The following EP400 variants were observed in gnomAD, a reference collection of about 807,000 sequenced individuals.
The protein encoded by EP400 is E1A binding protein p400.
EP400 carries 105 observed loss-of-function variants against 354.1 expected under a neutral mutation model. The ratio of observed to expected loss-of-function variants is 0.30; its 90% CI spans 0.25 to 0.35. EP400 has a LOEUF of 0.35. Among genes scored for constraint, EP400 ranks in the 10% least tolerant of loss-of-function variants. The pLI is 1.00. For synonymous variants in EP400, 1,646 were observed against 1,716.9 expected (o/e 0.96, Z 1.02); for missense variants, 3,280 against 4,121.0 (o/e 0.80, Z 5.59).
At chr12:132,049,742 G>C (rs553192988) in intron 39 of EP400, among the ~76,000 whole-genome samples, 30 of 152,314 alleles carry the variant, frequency 2.0e-4, no homozygotes, top group African/African-American at 7.2e-4. Context: ...ATAAGGAGTT[G>C]CTTTAAAATT....
chr12:132,007,451 C>T (rs1375979463), intron 15 of EP400, among the ~76,000 whole-genome samples: 2 of 151,522 alleles, frequency 1.3e-5, no homozygotes, highest in East Asian at 3.8e-4. Flanking sequence ...CCTGACACTT[C>T]TAGCTGGTAC....
intron 22 of EP400, among the ~76,000 whole-genome samples, chr12:132,020,520 G>A (rs1359977332): frequency 6.6e-6 from 1 of 152,218 alleles, no homozygotes; most frequent in Non-Finnish European, 1.5e-5. Flanking sequence ...CAGTCGTCTA[G>A]GAGACTCCTG....
chr12:132,052,520 C>T lies in EP400; in HGVS notation c.7395-626C>T, dbSNP rs139830070. The stretch of plus-strand genomic sequence containing the variant: ...AGCGCACTGTTGAGAATTGCAGCCC[C>T]GCCCTGCTGTTTTCCTCCATAGCAG... On this transcript the variant is annotated intron_variant, in intron 41 of 52. Coordinates refer to ENST00000389561, the MANE Select transcript of EP400 (RefSeq NM_015409.5). The surrounding 1 kb of genome is among the most constrained non-coding windows in gnomAD (Gnocchi z 4.4). Among the ~76,000 whole-genome samples, 327 of 152,374 alleles carry T rather than the reference C, an allele frequency of 2.1e-3. 1 individual carries two copies. Among genetic ancestry groups the T allele is most frequent in the African/African-American group, 7.5e-3 (310 of 41,590 alleles).
chr12:132,006,765 C>G lies in EP400; in HGVS notation c.3192C>G (p.Asp1064Glu). ...GAGATTATCAGAAGATTGGCCTGGA[C>G]TGGCTGGCCAAACTTTACAGGAAGA... is the stretch of plus-strand genomic sequence containing the variant. ...ALRDYQKIGL[D>E]WLAKLYRKNL... is the part of the protein sequence containing the mutation. Residue 1064 changes from aspartate (D) to glutamate (E), a missense_variant, in exon 15 of 53, where the codon GAC becomes GAG. Asp to Glu is a conservative substitution (Grantham distance 45). Coordinates refer to ENST00000389561, the MANE Select transcript of EP400 (RefSeq NM_015409.5). The G allele has an allele frequency of 6.2e-7, 1 of 1,614,090 alleles. No individual in the cohort carries two copies. The highest frequency in any genetic ancestry group is 1.1e-5 in the South Asian group (1 of 91,048).
intron 12 of EP400, among the ~76,000 whole-genome samples, chr12:131,999,581 G>C (rs978527009): frequency 6.6e-6 from 1 of 152,048 alleles, no homozygotes; most frequent in Non-Finnish European, 1.5e-5. Context: ...TGGGATTATA[G>C]GCACCAGCCA....
chr12:132,040,639 C>T (rs1219262997), intron 32 of EP400, among the ~76,000 whole-genome samples: 1 of 152,138 alleles, frequency 6.6e-6, no homozygotes, highest in Non-Finnish European at 1.5e-5. Flanking sequence ...TTTCATGAAG[C>T]TTTTATTCTA....
chr12:132,077,299 A>G lies in EP400; in HGVS notation c.9100-102A>G, dbSNP rs1393371924. On this transcript the variant is annotated intron_variant, in intron 52 of 52. Coordinates refer to ENST00000389561, the MANE Select transcript of EP400 (RefSeq NM_015409.5). The stretch of plus-strand genomic sequence containing the variant: ...TCTTCCGTGTCATAAAAGCATAGTC[A>G]GTGAAGTTTCTCGAGTCCTCCCCAT... The G allele has an allele frequency of 3.1e-5, 43 of 1,404,980 alleles. 1 individual carries two copies. In the East Asian group the frequency reaches 9.7e-4, roughly 32 times the overall value. 87.0% of individuals were successfully genotyped at this position (1,404,980 alleles called of 1,614,324 possible).
intron 52 of EP400, 109 bp downstream of exon 52, chr12:132,076,702 C>T: frequency 1.0e-6 from 1 of 982,006 alleles, no homozygotes; most frequent in South Asian, 1.7e-5. Flanking sequence ...GTGATACACA[C>T]AAAAACATTA....
At position 132,044,892 on chromosome 12, in the gene EP400, G is replaced by A; in HGVS notation, c.6723G>A (p.Glu2241=). 6.2e-7 allele frequency: 1 copy of A among 1,614,198 alleles called. No homozygotes were observed. Among genetic ancestry groups the A allele is most frequent in the Non-Finnish European group, 8.5e-7 (1 of 1,180,026 alleles). Residue 2241 remains glutamate, a synonymous_variant, in exon 37 of 53, where the codon GAG becomes GAA. Transcript: ENST00000389561. ...CLMYEATPIP[E]AKLPPVYVRK... is the part of the protein sequence containing the mutation. ...TGTATGAAGCCACTCCCATCCCAGA[G>A]GCTAAGCTGCCCCCTGTGTACGTGA...
At position 132,038,931 on chromosome 12, in the gene EP400, G is replaced by A. The variant is rs1042133679; in HGVS notation, c.6207+835G>A. On this transcript the variant is annotated intron_variant, in intron 32 of 52. Transcript: ENST00000389561. The surrounding 1 kb of genome is among the most constrained non-coding windows in gnomAD (Gnocchi z 4.2). ...TACCTTGGAAGGATTTGGTATCCCT[G>A]TACATCTTTCTTCCTGCCCTGTTTG... Among the ~76,000 whole-genome samples, 1 of 152,172 alleles carries A rather than the reference G, an allele frequency of 6.6e-6. No homozygotes were observed. Among genetic ancestry groups the A allele is most frequent in the African/African-American group, 2.4e-5 (1 of 41,442 alleles).
chr12:131,960,015 C>T (rs150953993), intron 1 of EP400, among the ~76,000 whole-genome samples: 11 of 152,296 alleles, frequency 7.2e-5, no homozygotes, highest in Admixed American at 2.0e-4. Flanking sequence ...TTGCTTCTGG[C>T]GAGGTGGTGC....
chr12:132,023,091 G>A (rs1363507113), intron 23 of EP400, among the ~76,000 whole-genome samples: 1 of 149,688 alleles, frequency 6.7e-6, no homozygotes, highest in Non-Finnish European at 1.5e-5. Flanking sequence ...TAAAGTTTAG[G>A]TTCATATGTG....
intron 5 of EP400, among the ~76,000 whole-genome samples, chr12:131,983,153 A>G (rs965668353): frequency 6.6e-6 from 1 of 152,202 alleles, no homozygotes; most frequent in East Asian, 1.9e-4. Context: ...GGAGACACAT[A>G]CTCAGAGGTT....
intron 6 of EP400, 28 bp from the exon 7 acceptor site, chr12:131,987,677 C>T: frequency 1.3e-6 from 2 of 1,535,132 alleles, no homozygotes; most frequent in Admixed American, 1.9e-5. Flanking sequence ...ACATGCCGAC[C>T]CCACCATCCC....
Position 132,027,918 on chromosome 12 carries a change from T to C in EP400, c.5110-99T>C. The C allele has an allele frequency of 7.8e-7, 1 of 1,288,634 alleles. No homozygotes were observed. The highest frequency in any genetic ancestry group is 1.1e-6 in the Non-Finnish European group (1 of 922,488). The allele number at this position is 1,288,634 out of a possible 1,614,324, so 79.8% of individuals were successfully genotyped here. ...AAGACCGGGGATATTGAAGTGGATC[T>C]CATATGTGGGAAATCACGGGCTGGG... On this transcript the variant is annotated intron_variant, in intron 26 of 52. Coordinates refer to ENST00000389561, the MANE Select transcript of EP400 (RefSeq NM_015409.5). The surrounding 1 kb of genome is among the most constrained non-coding windows in gnomAD (Gnocchi z 4.9).
At position 132,045,425 on chromosome 12, in the gene EP400, G is replaced by A. The variant is rs1239409214; in HGVS notation, c.6891G>A (p.Lys2297=). The A allele has an allele frequency of 1.2e-6, 2 of 1,614,154 alleles. No homozygotes were observed. The highest frequency in any genetic ancestry group is 1.1e-5 in the South Asian group (1 of 91,086). The change falls in exon 38 of 53, where the codon AAG becomes AAA. Residue 2297 remains lysine (K), a synonymous_variant. Transcript: ENST00000389561. The part of the protein sequence containing the change: ...PGLLKIRREG[K]EQKKNILLKQ... ...TTCTGAAAATTCGCAGAGAGGGCAA[G>A]GAGCAGAAGAAGAATATTCTGCTGA...
intron 2 of EP400, among the ~76,000 whole-genome samples, chr12:131,979,471 T>C (rs1267226986): frequency 1.3e-5 from 2 of 152,240 alleles, no homozygotes; most frequent in Admixed American, 1.3e-4. Context: ...CAGAATAATA[T>C]GTCTTTTACA....
rs1555223305 is a variant in EP400, at chr12:132,062,545, A to AGCAG, written c.8178_8179insGCAG (p.Gln2727AlafsTer257). On this transcript the variant is annotated frameshift_variant, in exon 47 of 53. Coordinates refer to ENST00000389561, the MANE Select transcript of EP400 (RefSeq NM_015409.5). LOFTEE classifies it high-confidence loss of function. ...TCAGGCAGCAGCAGCAGCAGCAGCA[A>AGCAG]CAACAGCAGCAGCAGCAGCAGCAGC... is the stretch of plus-strand genomic sequence containing the variant. 126 of 1,299,788 alleles carry AGCAG rather than the reference A, an allele frequency of 9.7e-5. No homozygotes were observed. Among genetic ancestry groups the AGCAG allele is most frequent in the Admixed American group, 7.3e-4 (36 of 49,034 alleles). 80.5% of individuals were successfully genotyped at this position (1,299,788 alleles called of 1,614,324 possible). A position where few individuals can be genotyped will look rare whatever the true frequency, so the allele number is the denominator to read the frequency against.
chr12:132,019,577 C>T (rs1894057596), intron 21 of EP400, among the ~76,000 whole-genome samples: 1 of 152,044 alleles, frequency 6.6e-6, no homozygotes, highest in Non-Finnish European at 1.5e-5. Context: ...GTGGTGCACA[C>T]CTGTATTCCT....
Sources: allele counts gnomAD v4.1 joint callset (sites outside exome capture counted in the v4.1 genomes callset), GRCh38; gene constraint gnomAD v4.1.1; non-coding constraint Gnocchi (gnomAD v3.1); transcripts MANE v1.5; gene names NCBI Gene and HGNC (gene_info 2026-07-23, HGNC 2026-07-21).